Variants in MEGF11 observed in about 807,000 individuals in gnomAD.
MEGF11 encodes multiple epidermal growth factor-like domains protein 11.
In MEGF11, 126 loss-of-function variants were observed where a neutral mutation model predicts 146.6. The observed-to-expected ratio is 0.86, with a 90% CI of 0.74 to 1.00. MEGF11 has a LOEUF of 1.00. Ranked by LOEUF, MEGF11 falls within the 50% of genes least tolerant of loss-of-function variation. The pLI is 0.00. For missense variants in MEGF11, 1,509 were observed against 1,521.2 expected, an observed-to-expected ratio of 0.99 and a Z score of 0.13; for synonymous variants, 532 against 583.4, an observed-to-expected ratio of 0.91 and a Z score of 1.27.
chr15:66,061,396 C>A (rs540052082), intron 5 of MEGF11, among the ~76,000 whole-genome samples: 1 of 152,178 alleles, frequency 6.6e-6, no homozygotes, highest in Non-Finnish European at 1.5e-5. Flanking sequence ...GACCCCCACA[C>A]GTCAGACTTA....
At chr15:66,214,577 GATTA>G (rs1387425962) in intron 1 of MEGF11, among the ~76,000 whole-genome samples, 1 of 152,192 alleles carries the variant, frequency 6.6e-6, no homozygotes, top group Non-Finnish European at 1.5e-5. Context: ...GTGGTGGTTT[GATTA>G]ATTGAGATTA....
chr15:65,958,644 G>T (rs144406478), intron 9 of MEGF11, among the ~76,000 whole-genome samples: 6 of 152,320 alleles, frequency 3.9e-5, no homozygotes, highest in Non-Finnish European at 7.4e-5. Context: ...TTGGCTTTAA[G>T]ATACCCCATC....
intron 5 of MEGF11, among the ~76,000 whole-genome samples, chr15:66,067,531 C>T (rs1456565373): frequency 6.6e-6 from 1 of 152,228 alleles, no homozygotes; most frequent in African/African-American, 2.4e-5. Flanking sequence ...TGCAGCCCCA[C>T]GTTCTTTCCC....
chr15:66,166,798 T>G (rs1020586849), intron 1 of MEGF11, among the ~76,000 whole-genome samples: 3 of 152,152 alleles, frequency 2.0e-5, no homozygotes, highest in Non-Finnish European at 4.4e-5. Context: ...CTACACTCAC[T>G]TTGGCATCCC....
chr15:66,085,515 C>A (rs148516645), intron 5 of MEGF11, among the ~76,000 whole-genome samples: 1 of 152,350 alleles, frequency 6.6e-6, no homozygotes, highest in African/African-American at 2.4e-5. Flanking sequence ...GTGCAGACAA[C>A]CCCCAGTACC....
intron 4 of MEGF11, among the ~76,000 whole-genome samples, chr15:66,112,872 A>G (rs2087506628): frequency 6.6e-6 from 1 of 152,242 alleles, no homozygotes; most frequent in South Asian, 2.1e-4. Context: ...GCATAGGAGC[A>G]TTGGTAACTC....
At chr15:65,933,821 C>T (rs1329956662) in intron 10 of MEGF11, among the ~76,000 whole-genome samples, 1 of 152,128 alleles carries the variant, frequency 6.6e-6, no homozygotes, top group Non-Finnish European at 1.5e-5. Flanking sequence ...TACGACATCC[C>T]CTGAGCCTCA....
At position 66,168,571 on chromosome 15, in the gene MEGF11, G is replaced by C. The variant is rs139547017; in HGVS notation, c.-8-40160C>G. ...GAATACCTGGGGAGGGAAGCCACCA[G>C]TCCAAACTGAGATGTGCTGTTTCAA... On this transcript the variant is annotated intron_variant, in intron 1 of 25. Coordinates refer to ENST00000395614, the MANE Select transcript of MEGF11 (RefSeq NM_001385028.1). 4.1e-3 allele frequency among the ~76,000 whole-genome samples: 625 copies of C among 152,338 alleles called. 6 individuals are homozygous for C. Among genetic ancestry groups the C allele is most frequent in the African/African-American group, 0.014 (596 of 41,586 alleles).
chr15:66,224,400 C>A (rs2091801804), intron 1 of MEGF11, among the ~76,000 whole-genome samples: 1 of 151,790 alleles, frequency 6.6e-6, no homozygotes, highest in Non-Finnish European at 1.5e-5. Flanking sequence ...CATGGCAAAA[C>A]CCCAACTCTA....
intron 1 of MEGF11, among the ~76,000 whole-genome samples, chr15:66,217,855 C>T (rs1209538403): frequency 6.6e-6 from 1 of 152,194 alleles, no homozygotes; most frequent in Non-Finnish European, 1.5e-5. Context: ...CCCCAAGCAT[C>T]CCTCCCCAGA....
chr15:65,943,111 C>T (rs967346454), intron 10 of MEGF11, among the ~76,000 whole-genome samples: 6 of 151,226 alleles, frequency 4.0e-5, no homozygotes, highest in South Asian at 2.1e-4. Context: ...CTCAGCCTCC[C>T]GAGTAGCTGG....
chr15:65,938,235 A>G (rs924206876), intron 10 of MEGF11, among the ~76,000 whole-genome samples: 1 of 152,228 alleles, frequency 6.6e-6, no homozygotes, highest in Non-Finnish European at 1.5e-5. Context: ...GAGTAAACTG[A>G]GGCCAAAAAA....
At chr15:65,929,594 A>G (rs2079498343) in intron 12 of MEGF11, 126 bp downstream of exon 12, 1 of 1,181,806 alleles carries the variant, frequency 8.5e-7, no homozygotes, top group Admixed American at 2.6e-5. Flanking sequence ...ACTGTGACCT[A>G]AATCCAAGTG....
intron 1 of MEGF11, among the ~76,000 whole-genome samples, chr15:66,148,130 G>A (rs1314492539): frequency 6.6e-6 from 1 of 152,152 alleles, no homozygotes; most frequent in East Asian, 1.9e-4. Flanking sequence ...GCATGTGTGT[G>A]TCTGTATATG....
At chr15:65,963,628 T>C (rs1436571924) in intron 9 of MEGF11, among the ~76,000 whole-genome samples, 1 of 152,234 alleles carries the variant, frequency 6.6e-6, no homozygotes, top group African/African-American at 2.4e-5. Flanking sequence ...TTCCTCCTCA[T>C]AGCCCAGCCC....
chr15:65,909,681 T>C (rs2141178046), intron 22 of MEGF11, 59 bp downstream of exon 22: 1 of 1,470,712 alleles, frequency 6.8e-7, no homozygotes, highest in Middle Eastern at 1.7e-4. Flanking sequence ...TGCTTCTCAA[T>C]ATGGAAGAAG....
intron 5 of MEGF11, among the ~76,000 whole-genome samples, chr15:66,009,432 G>T (rs1476721013): frequency 6.6e-5 from 10 of 152,050 alleles, no homozygotes; most frequent in Non-Finnish European, 5.9e-5. Flanking sequence ...CTGTTAGGCT[G>T]ACTCACATCT....
chr15:66,250,535 C>T (rs746467520), intron 1 of MEGF11, among the ~76,000 whole-genome samples: 7 of 152,210 alleles, frequency 4.6e-5, no homozygotes, highest in Non-Finnish European at 7.3e-5. Context: ...AAAGAAGGAG[C>T]TCAGTAACTA....
intron 5 of MEGF11, among the ~76,000 whole-genome samples, chr15:66,034,112 C>G (rs1214591431): frequency 6.6e-6 from 1 of 152,162 alleles, no homozygotes; most frequent in Non-Finnish European, 1.5e-5. Context: ...TTATTCCTTT[C>G]TTCTTGCTAA....
Sources: allele counts gnomAD v4.1 joint callset (sites outside exome capture counted in the v4.1 genomes callset), GRCh38; gene constraint gnomAD v4.1.1; transcripts MANE v1.5; gene names NCBI Gene and HGNC (gene_info 2026-07-23, HGNC 2026-07-21).